The following PDE10A variants were observed in gnomAD, a reference collection of about 807,000 sequenced individuals.
PDE10A encodes the protein cAMP and cAMP-inhibited cGMP 3',5'-cyclic phosphodiesterase 10A.
PDE10A carries 39 observed loss-of-function variants against 97.7 expected under a neutral mutation model. That is an observed-to-expected ratio of 0.40 (90% confidence interval 0.31 to 0.52). The LOEUF is 0.52. PDE10A is among the 20% of genes least tolerant of loss of function. PDE10A has a pLI of 0.56. For synonymous variants in PDE10A, 371 were observed against 376.8 expected (o/e 0.98, Z 0.18); for missense variants, 731 against 1,047.8 (o/e 0.70, Z 4.17).
Position 165,571,399 on chromosome 6 carries a change from C to A in PDE10A, c.866-27831G>T, listed in dbSNP as rs368924079. Among the ~76,000 whole-genome samples, 40 of 152,322 alleles carry A rather than the reference C, an allele frequency of 2.6e-4. No homozygotes were observed. The East Asian group carries it at 7.3e-3, about 28-fold the overall frequency. On this transcript the variant is annotated intron_variant, in intron 1 of 21. Transcript: ENST00000539869. ...GCCAATAGACTGGAACAAGAAATTA[C>A]ACACCACTTAGGCATCATCAATGAG...
intron 18 of PDE10A, among the ~76,000 whole-genome samples, chr6:165,377,253 G>A (rs1157107421): frequency 6.6e-6 from 1 of 151,906 alleles, no homozygotes; most frequent in East Asian, 1.9e-4. Flanking sequence ...TGAACATACT[G>A]TATGCACACA....
At chr6:165,523,929 T>C (rs1403950928) in intron 2 of PDE10A, among the ~76,000 whole-genome samples, 2 of 152,148 alleles carry the variant, frequency 1.3e-5, no homozygotes, top group Non-Finnish European at 2.9e-5. Context: ...GTCAGTGGGC[T>C]GGGGAAGACG....
intron 1 of PDE10A, among the ~76,000 whole-genome samples, chr6:165,626,975 C>T (rs1252964678): frequency 6.6e-6 from 1 of 152,176 alleles, no homozygotes; most frequent in African/African-American, 2.4e-5. Flanking sequence ...AGACTTGCCC[C>T]TGGAAAAGCC....
intron 2 of PDE10A, among the ~76,000 whole-genome samples, chr6:165,542,926 T>G (rs983574839): frequency 3.3e-5 from 5 of 152,118 alleles, no homozygotes; most frequent in African/African-American, 1.2e-4. Flanking sequence ...CCAATATACT[T>G]GTTCTTTTAC....
chr6:165,619,422 G>C (rs146324327), intron 1 of PDE10A, among the ~76,000 whole-genome samples: 133 of 83,994 alleles, frequency 1.6e-3, no homozygotes, highest in Middle Eastern at 6.5e-3. Flanking sequence ...GTGTAGTGTA[G>C]TGTAGTATAG....
Position 165,883,553 on chromosome 6 carries a change from AT to A in PDE10A, c.-615+103975del, listed in dbSNP as rs1455238915. On this transcript the variant is annotated intron_variant, in intron 1 of 19. Coordinates refer to the PDE10A transcript ENST00000366882. ...AGACTCCGTCTCAAAAAAAAAAAAA[AT>A]AAATAAAAATAAAAATAAACTCTCC... is the stretch of plus-strand genomic sequence containing the variant. Among the ~76,000 whole-genome samples the A allele has an allele frequency of 1.9e-3, 122 of 64,232 alleles. 1 individual carries two copies. The highest frequency in any genetic ancestry group is 2.9e-3 in the African/African-American group (54 of 18,522). 42.1% of individuals were successfully genotyped at this position (64,232 alleles called of 152,430 possible).
At chr6:165,748,576 T>G (rs1191299920) in intron 1 of PDE10A, among the ~76,000 whole-genome samples, 1 of 152,204 alleles carries the variant, frequency 6.6e-6, no homozygotes, top group African/African-American at 2.4e-5. Context: ...ATATAAATAT[T>G]TATGTTTTAT....
At chr6:165,581,062 C>T (rs1305882063) in intron 1 of PDE10A, among the ~76,000 whole-genome samples, 2 of 152,048 alleles carry the variant, frequency 1.3e-5, no homozygotes, top group African/African-American at 2.4e-5. Flanking sequence ...TATTAATTTC[C>T]TTTTTAGATC....
At chr6:165,969,149 C>A (rs1201257170) in intron 1 of PDE10A, among the ~76,000 whole-genome samples, 1 of 152,212 alleles carries the variant, frequency 6.6e-6, no homozygotes, top group African/African-American at 2.4e-5. Flanking sequence ...AATTACCCTT[C>A]TGCAAATCAT....
At chr6:165,635,336 T>C (rs1433527041) in intron 1 of PDE10A, among the ~76,000 whole-genome samples, 4 of 152,192 alleles carry the variant, frequency 2.6e-5, no homozygotes, top group African/African-American at 9.7e-5. Context: ...GGAATATTAT[T>C]TGTTATTTCA....
At chr6:165,936,181 C>T (rs1005115806) in intron 1 of PDE10A, among the ~76,000 whole-genome samples, 1 of 152,144 alleles carries the variant, frequency 6.6e-6, no homozygotes, top group Admixed American at 6.5e-5. Flanking sequence ...TTGAGCAGTC[C>T]TTGTACACTG....
chr6:165,905,496 C>T (rs1173831136), intron 1 of PDE10A, among the ~76,000 whole-genome samples: 1 of 152,040 alleles, frequency 6.6e-6, no homozygotes, highest in Non-Finnish European at 1.5e-5. Context: ...TTTTTATTAA[C>T]TGTCAATAGC....
chr6:165,771,881 A>C, intron 1 of PDE10A, among the ~76,000 whole-genome samples: 1 of 152,152 alleles, frequency 6.6e-6, no homozygotes, highest in Non-Finnish European at 1.5e-5. Flanking sequence ...GGTGTGATGC[A>C]GAGCTGGCTG....
At chr6:165,446,612 CAAAT>C (rs1790865619) in intron 5 of PDE10A, among the ~76,000 whole-genome samples, 1 of 152,144 alleles carries the variant, frequency 6.6e-6, no homozygotes, top group Admixed American at 6.5e-5. Flanking sequence ...GCCAGATAAA[CAAAT>C]AACCACTCAA....
intron 1 of PDE10A, among the ~76,000 whole-genome samples, chr6:165,809,081 G>A (rs752033969): frequency 6.6e-6 from 1 of 152,212 alleles, no homozygotes; most frequent in Non-Finnish European, 1.5e-5. Flanking sequence ...TTCAGCCTAT[G>A]AATTATTTCC....
intron 1 of PDE10A, among the ~76,000 whole-genome samples, chr6:165,892,435 G>A (rs1371012803): frequency 2.6e-5 from 4 of 152,220 alleles, no homozygotes; most frequent in African/African-American, 9.6e-5. Context: ...GCCCTCAGTG[G>A]CAAGAAAAGC....
At chr6:165,574,246 C>T (rs1239514309) in intron 1 of PDE10A, among the ~76,000 whole-genome samples, 3 of 151,098 alleles carry the variant, frequency 2.0e-5, no homozygotes, top group Non-Finnish European at 2.9e-5. Flanking sequence ...ACAGTGACTC[C>T]ATTACATTCT....
intron 13 of PDE10A, among the ~76,000 whole-genome samples, chr6:165,398,822 G>A (rs911428090): frequency 9.2e-5 from 14 of 152,176 alleles, no homozygotes; most frequent in Non-Finnish European, 1.8e-4. Context: ...ATGGCAAGAT[G>A]GTAGATTTAC....
At chr6:165,500,797 G>T (rs565286429) in intron 2 of PDE10A, among the ~76,000 whole-genome samples, 3 of 152,110 alleles carry the variant, frequency 2.0e-5, no homozygotes, top group Admixed American at 6.5e-5. Flanking sequence ...AGAATGTCTC[G>T]GTGTAAAACC....
Sources: allele counts gnomAD v4.1 joint callset (sites outside exome capture counted in the v4.1 genomes callset), GRCh38; gene constraint gnomAD v4.1.1; transcripts MANE v1.5; gene names NCBI Gene and HGNC (gene_info 2026-07-23, HGNC 2026-07-21).